Variants in ANO3 observed in about 807,000 individuals in gnomAD.
ANO3 encodes anoctamin-3.
Under a neutral mutation model 144.8 loss-of-function variants are expected in ANO3, and 99 were observed. That is an observed-to-expected ratio of 0.68 (90% CI 0.58 to 0.81). The LOEUF (loss-of-function observed/expected upper bound fraction) is 0.81, where lower values mean the gene tolerates loss of function less well. ANO3 is among the 30% of genes least tolerant of loss of function. The pLI, the probability that ANO3 is intolerant of heterozygous loss-of-function variation, is 0.00. For synonymous variants in ANO3, 414 were observed against 392.6 expected, an observed-to-expected ratio of 1.05 and a Z score of -0.64; for missense variants, 905 against 1,202.2, an observed-to-expected ratio of 0.75 and a Z score of 3.66.
intron 4 of ANO3, among the ~76,000 whole-genome samples, chr11:26,486,701 A>G (rs761110957): frequency 6.6e-6 from 1 of 152,198 alleles, no homozygotes; most frequent in Non-Finnish European, 1.5e-5. Flanking sequence ...CTAAATTGGT[A>G]TGTTTTCATT....
rs1182122907 is a variant in ANO3 at position 26,445,889 on chromosome 11, T to C, written c.313+2053T>C. On this transcript the variant is annotated intron_variant, in intron 3 of 26. Transcript: ENST00000256737. The stretch of plus-strand genomic sequence containing the variant: ...CTCTCTTGCGCAGGCTGGAGTGCAG[T>C]GGTGCGATCTCAGCTCACTGCAACC... Among the ~76,000 whole-genome samples the C allele has an allele frequency of 4.6e-5, 7 of 152,078 alleles. No homozygotes were observed. The East Asian group carries it at 1.3e-3, about 29-fold the overall frequency.
intron 1 of ANO3, among the ~76,000 whole-genome samples, chr11:26,269,222 ACAGGCAGCT>A (rs1262348080): frequency 1.3e-5 from 2 of 152,204 alleles, no homozygotes; most frequent in Non-Finnish European, 2.9e-5. Context: ...CATTTCCAGA[ACAGGCAGCT>A]CTACTCAGTG....
intron 1 of ANO3, among the ~76,000 whole-genome samples, chr11:26,422,522 C>T (rs1327000279): frequency 1.3e-5 from 2 of 151,898 alleles, no homozygotes; most frequent in Non-Finnish European, 2.9e-5. Flanking sequence ...TTAGAACTGT[C>T]GAAAGTTGCA....
chr11:26,335,876 T>C (rs561361176), intron 1 of ANO3, among the ~76,000 whole-genome samples: 23 of 152,328 alleles, frequency 1.5e-4, no homozygotes, highest in Non-Finnish European at 7.3e-5. Flanking sequence ...CAGTTGTGTT[T>C]ATGAAGAAGA....
At chr11:26,465,500 A>C (rs1017443950) in intron 4 of ANO3, among the ~76,000 whole-genome samples, 1 of 151,840 alleles carries the variant, frequency 6.6e-6, no homozygotes, top group African/African-American at 2.4e-5. Context: ...GTCAACAGAA[A>C]GGGGGCACAG....
chr11:26,247,078 A>G (rs1852814119), intron 1 of ANO3, among the ~76,000 whole-genome samples: 1 of 152,180 alleles, frequency 6.6e-6, no homozygotes, highest in East Asian at 1.9e-4. Context: ...AGTTTATTTA[A>G]AACAGTTTTA....
chr11:26,269,755 C>T (rs1853400590), intron 1 of ANO3, among the ~76,000 whole-genome samples: 1 of 152,200 alleles, frequency 6.6e-6, no homozygotes, highest in Non-Finnish European at 1.5e-5. Context: ...CATTCACGCT[C>T]TGCTACCTTT....
intron 1 of ANO3, among the ~76,000 whole-genome samples, chr11:26,269,676 C>T (rs1853399003): frequency 6.9e-6 from 1 of 145,082 alleles, no homozygotes; most frequent in Admixed American, 6.6e-5. Flanking sequence ...TCCGGTGCTG[C>T]ACTGCAGCAC....
intron 3 of ANO3, among the ~76,000 whole-genome samples, chr11:26,454,802 A>G (rs934753553): frequency 6.6e-6 from 1 of 152,174 alleles, no homozygotes; most frequent in African/African-American, 2.4e-5. Context: ...ATCCTTGATG[A>G]ACATTGATGC....
At chr11:26,269,795 G>A (rs1853401631) in intron 1 of ANO3, among the ~76,000 whole-genome samples, 1 of 152,124 alleles carries the variant, frequency 6.6e-6, no homozygotes, top group South Asian at 2.1e-4. Context: ...GCTAAATTGT[G>A]CCCCACATCC....
chr11:26,589,900 T>G (rs1321144594), intron 14 of ANO3, among the ~76,000 whole-genome samples: 1 of 152,208 alleles, frequency 6.6e-6, no homozygotes, highest in Admixed American at 6.5e-5. Context: ...TATTCACCAG[T>G]TGCTTCAACA....
chr11:26,477,163 G>C (rs143415800), intron 4 of ANO3, among the ~76,000 whole-genome samples: 2 of 152,026 alleles, frequency 1.3e-5, no homozygotes, highest in Admixed American at 6.6e-5. Context: ...AGAAACAGTG[G>C]ATATGAAATG....
chr11:26,441,378 A>G (rs1858517844), intron 1 of ANO3, among the ~76,000 whole-genome samples: 1 of 150,466 alleles, frequency 6.6e-6, no homozygotes, highest in Non-Finnish European at 1.5e-5. Context: ...CGGCCTCCCA[A>G]AGTGCTGGGA....
At chr11:26,591,581 G>A (rs879454255) in intron 14 of ANO3, among the ~76,000 whole-genome samples, 3 of 152,158 alleles carry the variant, frequency 2.0e-5, no homozygotes, top group East Asian at 1.9e-4. Context: ...ACCCCTATAC[G>A]ATGGGACATC....
At chr11:26,587,817 A>G (rs1280418561) in intron 14 of ANO3, among the ~76,000 whole-genome samples, 2 of 151,794 alleles carry the variant, frequency 1.3e-5, no homozygotes, top group Non-Finnish European at 2.9e-5. Flanking sequence ...ATCAGTGGAC[A>G]TGGTGGTGTG....
chr11:26,303,554 G>A (rs547311510), intron 1 of ANO3, among the ~76,000 whole-genome samples: 55 of 152,116 alleles, frequency 3.6e-4, no homozygotes, highest in African/African-American at 1.2e-3. Context: ...AGAGGGAGAC[G>A]GAGGAAGGAA....
chr11:26,524,186 G>T (rs904168536), intron 6 of ANO3, among the ~76,000 whole-genome samples: 4 of 152,096 alleles, frequency 2.6e-5, no homozygotes, highest in African/African-American at 4.8e-5. Context: ...AAGAAAAGAT[G>T]AGTTTACAGT....
chr11:26,447,288 G>A (rs1321236198), intron 3 of ANO3, among the ~76,000 whole-genome samples: 1 of 150,570 alleles, frequency 6.6e-6, no homozygotes, highest in African/African-American at 2.5e-5. Context: ...ATAATTTACT[G>A]GACTCCTTAT....
intron 1 of ANO3, among the ~76,000 whole-genome samples, chr11:26,235,142 A>G (rs1267063896): frequency 6.6e-6 from 1 of 152,154 alleles, no homozygotes; most frequent in Non-Finnish European, 1.5e-5. Flanking sequence ...TACTCAGTCC[A>G]CCAATTCAAA....
Sources: gnomAD v4.1 joint callset for allele counts (sites outside exome capture counted in the v4.1 genomes callset) on GRCh38, gnomAD v4.1.1 for gene constraint, MANE v1.5 for transcripts, NCBI Gene and HGNC (gene_info 2026-07-23, HGNC 2026-07-21) for gene names.